GTF2H3: variants seen among roughly 807,000 people sequenced by gnomAD.
The protein encoded by GTF2H3 is TFIIH basal transcription factor complex p34 subunit.
Under a neutral mutation model 51.1 loss-of-function variants are expected in GTF2H3, and 42 were observed. The observed-to-expected ratio is 0.82, with a 90% CI of 0.64 to 1.06. The LOEUF is 1.06. Among genes scored for constraint, GTF2H3 ranks in the 50% least tolerant of loss-of-function variants. The pLI, the probability that GTF2H3 is intolerant of heterozygous loss-of-function variation, is 0.00. For missense variants in GTF2H3, 326 were observed against 366.1 expected (o/e 0.89, Z 0.89); for synonymous variants, 123 against 123.8 (o/e 0.99, Z 0.04).
At chr12:123,659,714 C>A in intron 10 of GTF2H3, 81 bp from the exon 11 acceptor site, 1 of 1,505,580 alleles carries the variant, frequency 6.6e-7, no homozygotes, top group Non-Finnish European at 9.2e-7. Context: ...CCTTGGAGTT[C>A]CAAGGCCTAG....
chr12:123,646,856 A>G (rs971404901), intron 3 of GTF2H3, among the ~76,000 whole-genome samples: 75 of 151,432 alleles, frequency 5.0e-4, no homozygotes, highest in African/African-American at 1.2e-3. Context: ...TTATCTTAAA[A>G]GTCACAAGGC....
At chr12:123,643,261 T>A (rs1018741043) in intron 2 of GTF2H3, among the ~76,000 whole-genome samples, 1 of 152,218 alleles carries the variant, frequency 6.6e-6, no homozygotes, top group Non-Finnish European at 1.5e-5. Flanking sequence ...TCCATTGACT[T>A]ATGCAATTTA....
intron 2 of GTF2H3, among the ~76,000 whole-genome samples, chr12:123,640,721 A>C (rs1186468399): frequency 2.0e-5 from 3 of 152,158 alleles, no homozygotes; most frequent in Non-Finnish European, 4.4e-5. Flanking sequence ...CATTTTTGTG[A>C]CTTGAAAATT....
At chr12:123,655,720 G>A in intron 8 of GTF2H3, 51 bp from the exon 9 acceptor site, 6 of 1,058,200 alleles carry the variant, frequency 5.7e-6, no homozygotes, top group Non-Finnish European at 7.4e-6. Context: ...TCAGTATAGG[G>A]TAATCATTAT....
intron 9 of GTF2H3, among the ~76,000 whole-genome samples, chr12:123,657,633 A>G (rs771598018): frequency 1.3e-5 from 2 of 152,208 alleles, no homozygotes; most frequent in Non-Finnish European, 2.9e-5. Flanking sequence ...ATCATAACCT[A>G]TAACATTATT....
At chr12:123,658,962 A>G (rs1317456301) in intron 9 of GTF2H3, among the ~76,000 whole-genome samples, 4 of 152,234 alleles carry the variant, frequency 2.6e-5, no homozygotes, top group African/African-American at 4.8e-5. Context: ...GATGCTTAAT[A>G]TCATTACCGA....
chr12:123,644,869 A>G (rs187112940), intron 2 of GTF2H3, among the ~76,000 whole-genome samples: 5 of 152,326 alleles, frequency 3.3e-5, no homozygotes, highest in Non-Finnish European at 7.3e-5. Context: ...TGGAAATTTT[A>G]TCACAGAACA....
At chr12:123,637,843 A>G (rs1445288213) in intron 1 of GTF2H3, among the ~76,000 whole-genome samples, 1 of 152,140 alleles carries the variant, frequency 6.6e-6, no homozygotes, top group Non-Finnish European at 1.5e-5. Flanking sequence ...TTGCTGCTAC[A>G]TGATTTGATG....
chr12:123,654,400 A>G (rs1566232258), intron 7 of GTF2H3, among the ~76,000 whole-genome samples: 2 of 143,538 alleles, frequency 1.4e-5, no homozygotes, highest in African/African-American at 2.6e-5. Flanking sequence ...GTGTGTGTGT[A>G]TTTTGGGTGT....
Position 123,636,265 on chromosome 12 carries a change from C to T in GTF2H3, c.13+2393C>T, listed in dbSNP as rs868402695. On this transcript the variant is annotated intron_variant, in intron 1 of 12. Coordinates refer to ENST00000543341, the MANE Select transcript of GTF2H3 (RefSeq NM_001516.5). ...AATGGGATTTTGGGATTGCAGATTC[C>T]GGTGCTTAGTGCAGAGGAGGCTGGC... Among the ~76,000 whole-genome samples the T allele has an allele frequency of 3.9e-5, 6 of 152,178 alleles. 1 individual carries two copies. The highest frequency in any genetic ancestry group is 6.8e-3 in the Middle Eastern group (2 of 294).
intron 2 of GTF2H3, among the ~76,000 whole-genome samples, chr12:123,644,464 G>A (rs1307354267): frequency 2.6e-5 from 4 of 152,016 alleles, no homozygotes; most frequent in Non-Finnish European, 2.9e-5. Context: ...TAAAGAGATC[G>A]AGACCATCCT....
chr12:123,633,947 A>G lies in GTF2H3; in HGVS notation c.13+75A>G, dbSNP rs373212441. On this transcript the variant is annotated intron_variant, in intron 1 of 12. Coordinates refer to ENST00000543341, the MANE Select transcript of GTF2H3 (RefSeq NM_001516.5). ...GTCCGGCTACGACTGGCCAGATGGA[A>G]TGTGTCTTTTGGGCTGGATAGAATC... 44 of 1,496,692 alleles carry G rather than the reference A, an allele frequency of 2.9e-5. 1 individual carries two copies. The highest frequency in any genetic ancestry group is 2.4e-4 in the South Asian group (21 of 88,862). The allele number at this position is 1,496,692 out of a possible 1,614,324, so 92.7% of individuals were successfully genotyped here.
chr12:123,638,074 T>C (rs1955311028), intron 1 of GTF2H3, among the ~76,000 whole-genome samples: 1 of 152,110 alleles, frequency 6.6e-6, no homozygotes, highest in Non-Finnish European at 1.5e-5. Flanking sequence ...CATGGCTCAC[T>C]GTAGCCTCGA....
rs540539303 is a variant in GTF2H3, at chr12:123,652,187, C to T, written c.428-345C>T. Among the ~76,000 whole-genome samples, 269 of 152,234 alleles carry T rather than the reference C, an allele frequency of 1.8e-3. 1 individual carries two copies. Among genetic ancestry groups the T allele is most frequent in the African/African-American group, 6.1e-3 (252 of 41,530 alleles). On this transcript the variant is annotated intron_variant, in intron 5 of 12. Coordinates refer to ENST00000543341, the MANE Select transcript of GTF2H3 (RefSeq NM_001516.5). ...GGCAGTATTGAGTGATTATTTTGTC[C>T]TGGAGTTTGATGTGGGTTGCCTGAA...
chr12:123,659,723 A>G, intron 10 of GTF2H3, 72 bp from the exon 11 acceptor site: 2 of 1,532,440 alleles, frequency 1.3e-6, no homozygotes, highest in Non-Finnish European at 1.8e-6. Context: ...TCCAAGGCCT[A>G]GAAGGGTGGG....
At chr12:123,653,457 C>T (rs533915893) in intron 7 of GTF2H3, among the ~76,000 whole-genome samples, 80 of 151,950 alleles carry the variant, frequency 5.3e-4, no homozygotes, top group African/African-American at 1.8e-3. Context: ...GTCAGGAGAT[C>T]GAAACCAACC....
intron 4 of GTF2H3, 58 bp downstream of exon 4, chr12:123,648,184 G>A: frequency 8.6e-7 from 1 of 1,156,638 alleles, no homozygotes; most frequent in Non-Finnish European, 1.3e-6. Flanking sequence ...AGGTCCTTTA[G>A]GCTTTAAGTT....
In GTF2H3 at chr12:123,655,965, C is replaced by G. The variant is rs11057319; in HGVS notation, c.615+141C>G. 3,283 of 557,658 alleles carry G rather than the reference C, an allele frequency of 5.9e-3. 74 individuals are homozygous for G. Among genetic ancestry groups the G allele is most frequent in the African/African-American group, 0.054 (2,818 of 52,546 alleles). 34.5% of individuals were successfully genotyped at this position (557,658 alleles called of 1,614,324 possible). A position where few individuals can be genotyped will look rare whatever the true frequency, so the allele number is the denominator to read the frequency against. ...AGCCTAATTTTATCTATGTCTTTCC[C>G]CCTTACGTATGGAGCTACTGGAAAA... On this transcript the variant is annotated intron_variant, in intron 9 of 12. Transcript: ENST00000543341.
At chr12:123,659,360 C>CT in intron 9 of GTF2H3, 156 bp from the exon 10 acceptor site, 1 of 659,178 alleles carries the variant, frequency 1.5e-6, no homozygotes, top group Non-Finnish European at 2.7e-6. Context: ...GAGCAAGACT[C>CT]TGTCAAAATA....
Sources: allele counts gnomAD v4.1 joint callset (sites outside exome capture counted in the v4.1 genomes callset), GRCh38; gene constraint gnomAD v4.1.1; transcripts MANE v1.5; gene names NCBI Gene and HGNC (gene_info 2026-07-23, HGNC 2026-07-21).